The following ANKDD1A variants were observed in gnomAD, a reference collection of about 807,000 sequenced individuals.
ANKDD1A encodes the protein ankyrin repeat and death domain containing 1A.
ANKDD1A carries 59 observed loss-of-function variants against 63.5 expected under a neutral mutation model. The observed-to-expected ratio is 0.93, with a 90% CI of 0.75 to 1.15. The LOEUF (loss-of-function observed/expected upper bound fraction) is 1.15, where lower values mean the gene tolerates loss of function less well. Ranked by LOEUF, ANKDD1A falls within the 50% of genes most tolerant of loss-of-function variation. The pLI is 0.00. For missense variants in ANKDD1A, 632 were observed against 656.4 expected, an observed-to-expected ratio of 0.96 and a Z score of 0.41; for synonymous variants, 266 against 263.9, an observed-to-expected ratio of 1.01 and a Z score of -0.08.
chr15:64,950,941 T>C (rs1255335919), intron 14 of ANKDD1A: 1 of 1,271,444 alleles, frequency 7.9e-7, no homozygotes, highest in East Asian at 6.0e-5. Flanking sequence ...AGTAAGATTC[T>C]TGTTTTTAAC....
intron 2 of ANKDD1A, 128 bp from the exon 3 acceptor site, chr15:64,917,258 A>G (rs2084974444): frequency 1.6e-6 from 2 of 1,245,362 alleles, no homozygotes; most frequent in African/African-American, 1.5e-5. Context: ...GTCCCCAGCT[A>G]GCTGGGGACC....
chr15:64,911,958 G>T lies in ANKDD1A; in HGVS notation c.28G>T (p.Asp10Tyr). The change falls in exon 1 of 15, where the codon GAC (aspartate) becomes TAC (tyrosine). Residue 10 changes from aspartate to tyrosine, a missense_variant. Coordinates refer to ENST00000319580, the MANE Select transcript of ANKDD1A (RefSeq NM_182703.6). ...GCAGGAGGAGCTGGCGTGGGAGACC[G>T]ACGGCCGTGAGTCTGCCTGGAGGAG... MQEELAWET[D>Y]GLLPLERQLH... is the part of the protein sequence containing the mutation. The T allele has an allele frequency of 1.7e-6, 2 of 1,154,948 alleles. No individual in the cohort carries two copies. The highest frequency in any genetic ancestry group is 2.6e-4 in the Middle Eastern group (1 of 3,776). 71.5% of individuals were successfully genotyped at this position (1,154,948 alleles called of 1,614,324 possible). A position where few individuals can be genotyped will look rare whatever the true frequency, so the allele number is the denominator to read the frequency against.
chr15:64,919,355 T>A (rs2084992666), intron 3 of ANKDD1A, among the ~76,000 whole-genome samples: 1 of 152,230 alleles, frequency 6.6e-6, no homozygotes, highest in Non-Finnish European at 1.5e-5. Context: ...GCTGATACTC[T>A]ACCAGGTGCT....
chr15:64,921,526 C>T (rs1346281368), intron 3 of ANKDD1A, among the ~76,000 whole-genome samples: 1 of 152,110 alleles, frequency 6.6e-6, no homozygotes, highest in Non-Finnish European at 1.5e-5. Flanking sequence ...AGGTGCCCAC[C>T]ACCACGCTCG....
chr15:64,939,875 A>C (rs1037753205), intron 9 of ANKDD1A, among the ~76,000 whole-genome samples: 1 of 152,218 alleles, frequency 6.6e-6, no homozygotes, highest in African/African-American at 2.4e-5. Flanking sequence ...TAAGTGTAAA[A>C]CTATAAAGCT....
intron 11 of ANKDD1A, 50 bp from the exon 12 acceptor site, chr15:64,944,602 G>C: frequency 6.4e-7 from 1 of 1,556,430 alleles, no homozygotes; most frequent in African/African-American, 1.4e-5. Flanking sequence ...AAACCCTTGT[G>C]TACCCCTCCT....
At chr15:64,950,485 AAGGTTCT>A in intron 14 of ANKDD1A, 2 of 985,422 alleles carry the variant, frequency 2.0e-6, no homozygotes, top group Non-Finnish European at 2.4e-6. Flanking sequence ...AGCAGGATAG[AAGGTTCT>A]AGTACTAATC....
intron 14 of ANKDD1A, chr15:64,950,754 G>T (rs2085264116): frequency 2.5e-6 from 2 of 803,154 alleles, no homozygotes; most frequent in Non-Finnish European, 1.4e-6. Flanking sequence ...CCCCCCCATA[G>T]CTGCTATAGG....
At chr15:64,933,791 G>A (rs1000644530) in intron 8 of ANKDD1A, among the ~76,000 whole-genome samples, 5 of 11,944 alleles carry the variant, frequency 4.2e-4, no homozygotes, top group African/African-American at 4.4e-4. Context: ...GCAGTGAGCC[G>A]AGATTGTGCC....
intron 9 of ANKDD1A, among the ~76,000 whole-genome samples, chr15:64,939,420 C>T (rs2085162318): frequency 6.6e-6 from 1 of 152,100 alleles, no homozygotes; most frequent in South Asian, 2.1e-4. Flanking sequence ...AGTTCAAGAC[C>T]AGCCTGGGCA....
At chr15:64,921,417 C>T (rs953598916) in intron 3 of ANKDD1A, among the ~76,000 whole-genome samples, 4 of 151,826 alleles carry the variant, frequency 2.6e-5, no homozygotes, top group African/African-American at 9.7e-5. Context: ...CTCTGTCACT[C>T]AGGCTGGAGT....
chr15:64,954,820 CCTT>C (rs1448932010), intron 14 of ANKDD1A, among the ~76,000 whole-genome samples: 47 of 146,640 alleles, frequency 3.2e-4, no homozygotes, highest in African/African-American at 8.8e-4. Context: ...TTGTTCTTCT[CCTT>C]CTTTTTGTTG....
chr15:64,946,849 C>T (rs549196645), intron 12 of ANKDD1A, among the ~76,000 whole-genome samples: 33 of 152,334 alleles, frequency 2.2e-4, no homozygotes, highest in African/African-American at 7.2e-4. Flanking sequence ...CAGAACTCTG[C>T]ATCCATTCCC....
chr15:64,942,624 G>A, intron 10 of ANKDD1A, 59 bp downstream of exon 10: 3 of 1,426,422 alleles, frequency 2.1e-6, no homozygotes, highest in Non-Finnish European at 2.9e-6. Context: ...CTCCCAGGCT[G>A]GCAGGCTTGG....
intron 14 of ANKDD1A, among the ~76,000 whole-genome samples, chr15:64,953,653 C>CTA (rs2085353498): frequency 7.5e-6 from 1 of 133,456 alleles, no homozygotes. Context: ...CTTCCTTCTC[C>CTA]TTCTTTTCTT....
intron 14 of ANKDD1A, among the ~76,000 whole-genome samples, chr15:64,951,670 T>C (rs2085281735): frequency 5.1e-5 from 1 of 19,758 alleles, no homozygotes; most frequent in African/African-American, 6.3e-5. Context: ...TTCTTTTTCT[T>C]TCTTTCCTTC....
In ANKDD1A at chr15:64,930,824, G is replaced by T; in HGVS notation, c.573G>T (p.Glu191Asp). 1 of 1,612,244 alleles carries T rather than the reference G, an allele frequency of 6.2e-7. No homozygotes were observed. ...SGCDHNVKDK[E>D]GNTALHLAAG... is the part of the protein sequence containing the mutation. ...CTCAGGAGCCCTTTTTCCTGCAGGA[G>T]GGGAACACTGCCCTTCATCTGGCTG... The change falls in exon 7 of 15, where the codon GAG (glutamate) becomes GAT (aspartate). Residue 191 changes from glutamate (E) to aspartate (D), a missense_variant and splice_region_variant. Glu to Asp is a conservative substitution (Grantham distance 45, BLOSUM62 2). Transcript: ENST00000319580.
chr15:64,941,589 T>C (rs2085185188), intron 9 of ANKDD1A, among the ~76,000 whole-genome samples: 1 of 152,264 alleles, frequency 6.6e-6, no homozygotes, highest in African/African-American at 2.4e-5. Context: ...ACTAATAATG[T>C]CAATAATGGG....
At chr15:64,912,181 G>T (rs902067965) in intron 1 of ANKDD1A, among the ~76,000 whole-genome samples, 5 of 152,210 alleles carry the variant, frequency 3.3e-5, no homozygotes, top group Admixed American at 1.3e-4. Flanking sequence ...CGCCAGGTGA[G>T]CGGGGAGCAG....
Sources: allele counts gnomAD v4.1 joint callset (sites outside exome capture counted in the v4.1 genomes callset), GRCh38; gene constraint gnomAD v4.1.1; transcripts MANE v1.5; gene names NCBI Gene and HGNC (gene_info 2026-07-23, HGNC 2026-07-21).